LIN7A: variants seen among roughly 807,000 people sequenced by gnomAD.
LIN7A encodes lin-7 cell polarity scaffold A.
A neutral mutation model predicts 29.8 loss-of-function variants in LIN7A; 25 were observed. The observed-to-expected ratio is 0.84, with a 90% CI of 0.61 to 1.17. LIN7A has a LOEUF of 1.17. Ranked by LOEUF, LIN7A falls within the 50% of genes most tolerant of loss-of-function variation. The pLI is 0.00. For synonymous variants in LIN7A, 118 were observed against 107.5 expected (o/e 1.10, Z -0.60); for missense variants, 239 against 287.0 (o/e 0.83, Z 1.21).
At position 80,811,475 on chromosome 12, in the gene LIN7A, T is replaced by C. The variant is rs997941978; in HGVS notation, c.692A>G (p.His231Arg). The C allele has an allele frequency of 7.4e-7, 1 of 1,352,210 alleles. No individual in the cohort carries two copies. The highest frequency in any genetic ancestry group is 1.5e-5 in the African/African-American group (1 of 66,852). 83.8% of individuals were successfully genotyped at this position (1,352,210 alleles called of 1,614,324 possible). ...QQQQQQTQQN[H>R]MS The stretch of plus-strand genomic sequence containing the variant: ...TAAGTCACTTCTCACCTATGACATG[T>C]GGTTTTGTTGTGTTTGTTGCTGCTG... Residue 231 changes from histidine to arginine, a missense_variant, in exon 5 of 6, where the codon CAC (histidine) becomes CGC (arginine). Coordinates refer to ENST00000552864, the MANE Select transcript of LIN7A (RefSeq NM_004664.4).
intron 2 of LIN7A, among the ~76,000 whole-genome samples, chr12:80,883,377 A>C (rs1875166557): frequency 6.6e-6 from 1 of 152,232 alleles, no homozygotes; most frequent in Admixed American, 6.5e-5. Flanking sequence ...TTTGAAAAGC[A>C]TCAAGAACAA....
chr12:80,818,201 C>T (rs1871626935), intron 4 of LIN7A, among the ~76,000 whole-genome samples: 1 of 152,118 alleles, frequency 6.6e-6, no homozygotes, highest in African/African-American at 2.4e-5. Context: ...CTCTGTCCCC[C>T]AGGCTGGAGT....
chr12:80,847,334 GATA>G (rs1592890795), intron 3 of LIN7A, among the ~76,000 whole-genome samples: 1 of 152,172 alleles, frequency 6.6e-6, no homozygotes, highest in East Asian at 1.9e-4. Context: ...ATGACATGAT[GATA>G]ATAACACCCT....
chr12:80,860,385 G>A (rs1455880188), intron 2 of LIN7A, among the ~76,000 whole-genome samples: 1 of 152,198 alleles, frequency 6.6e-6, no homozygotes, highest in Non-Finnish European at 1.5e-5. Context: ...AACACAAAAT[G>A]TTGCCAAACT....
intron 1 of LIN7A, among the ~76,000 whole-genome samples, chr12:80,920,058 T>C (rs1041626993): frequency 2.0e-5 from 3 of 152,186 alleles, no homozygotes; most frequent in African/African-American, 7.2e-5. Context: ...TTATTTTTCT[T>C]CAATGCTTTA....
At chr12:80,898,117 A>C (rs1163663) in intron 1 of LIN7A, among the ~76,000 whole-genome samples, 103,128 of 152,014 alleles carry the variant, frequency 0.68, 39,017 homozygotes, top group Non-Finnish European at 0.87. Flanking sequence ...TTTATATCTA[A>C]GTATTTAGTC....
At chr12:80,897,326 A>C (rs1232526042) in intron 1 of LIN7A, among the ~76,000 whole-genome samples, 1 of 152,102 alleles carries the variant, frequency 6.6e-6, no homozygotes, top group Non-Finnish European at 1.5e-5. Context: ...AGCCGACTAT[A>C]GCCTTATTCC....
chr12:80,846,690 A>G (rs368792812), intron 3 of LIN7A, among the ~76,000 whole-genome samples: 16 of 152,192 alleles, frequency 1.1e-4, no homozygotes, highest in Non-Finnish European at 2.2e-4. Flanking sequence ...ATATGAAGTC[A>G]ATGATTTTAT....
chr12:80,812,450 T>TAAAAAAAAAAAAAAAAAAAA (rs199686456), intron 4 of LIN7A, among the ~76,000 whole-genome samples: 1 of 131,540 alleles, frequency 7.6e-6, no homozygotes, highest in Non-Finnish European at 1.6e-5. Flanking sequence ...TCAAACACTG[T>TAAAAAAAAAAAAAAAAAAAA]AAAAAAAAAA....
At chr12:80,852,983 G>A (rs1208470095) in intron 2 of LIN7A, among the ~76,000 whole-genome samples, 2 of 152,158 alleles carry the variant, frequency 1.3e-5, no homozygotes, top group African/African-American at 4.8e-5. Context: ...ATCAGCTGTA[G>A]TGGCAACCTT....
At chr12:80,889,067 T>C (rs1417968328) in intron 2 of LIN7A, among the ~76,000 whole-genome samples, 184 bp downstream of exon 2, 1 of 152,138 alleles carries the variant, frequency 6.6e-6, no homozygotes, top group East Asian at 1.9e-4. Context: ...TATGAATGTA[T>C]AAATCCTGGC....
chr12:80,827,441 T>C (rs1872135086), intron 4 of LIN7A, among the ~76,000 whole-genome samples: 1 of 152,156 alleles, frequency 6.6e-6, no homozygotes, highest in Non-Finnish European at 1.5e-5. Flanking sequence ...TTTAGGTTTA[T>C]ATGGACTACC....
rs1198680011 is a variant in LIN7A, at chr12:80,882,308, G to T, written c.201+6943C>A. ...CATTCTTTTTTTTTTTTTTTGAGAC[G>T]GAGTCTCGCTCTGTCGCCCAGGCTG... On this transcript the variant is annotated intron_variant, in intron 2 of 5. Transcript: ENST00000552864. Among the ~76,000 whole-genome samples, 3 of 37,404 alleles carry T rather than the reference G, an allele frequency of 8.0e-5. No homozygotes were observed. The East Asian group carries it at 3.0e-3, about 38-fold the overall frequency. The allele number at this position is 37,404 out of a possible 152,430, so 24.5% of individuals were successfully genotyped here.
At chr12:80,891,020 T>C (rs781753863) in intron 1 of LIN7A, among the ~76,000 whole-genome samples, 40 of 152,060 alleles carry the variant, frequency 2.6e-4, no homozygotes, top group Admixed American at 1.7e-3. Context: ...TCTAAAAATT[T>C]CTCCCCCCAA....
chr12:80,845,663 TA>T, intron 4 of LIN7A, 66 bp downstream of exon 4: 1 of 1,296,204 alleles, frequency 7.7e-7, no homozygotes, highest in Non-Finnish European at 1.1e-6. Context: ...TTGACTTCAG[TA>T]ATAGCAGGGG....
chr12:80,873,897 T>C (rs1874552359), intron 2 of LIN7A, among the ~76,000 whole-genome samples: 1 of 151,770 alleles, frequency 6.6e-6, no homozygotes, highest in Non-Finnish European at 1.5e-5. Flanking sequence ...CTGGGAAAGA[T>C]GCCTCTTAAA....
intron 2 of LIN7A, among the ~76,000 whole-genome samples, chr12:80,881,906 G>A (rs1875064359): frequency 6.6e-6 from 1 of 152,020 alleles, no homozygotes; most frequent in South Asian, 2.1e-4. Context: ...TAATTCTCTT[G>A]CCATTTATCC....
At chr12:80,811,373 C>T in intron 5 of LIN7A, 92 bp downstream of exon 5, 1 of 441,978 alleles carries the variant, frequency 2.3e-6, no homozygotes, top group Admixed American at 4.3e-5. Context: ...TAGAACATAT[C>T]TAAAATATAT....
chr12:80,802,748 C>A (rs1429218038), intron 5 of LIN7A, among the ~76,000 whole-genome samples: 1 of 151,794 alleles, frequency 6.6e-6, no homozygotes, highest in Non-Finnish European at 1.5e-5. Context: ...AATCCTCCTG[C>A]CTCACCCTCC....
Sources: allele counts gnomAD v4.1 joint callset (sites outside exome capture counted in the v4.1 genomes callset), GRCh38; gene constraint gnomAD v4.1.1; transcripts MANE v1.5; gene names NCBI Gene and HGNC (gene_info 2026-07-23, HGNC 2026-07-21).